The following ADAM19 variants were observed in gnomAD, a reference collection of about 807,000 sequenced individuals.
The protein encoded by ADAM19 is ADAM metallopeptidase domain 19, also known as disintegrin and metalloproteinase domain-containing protein 19.
Under a neutral mutation model 114.7 loss-of-function variants are expected in ADAM19, and 65 were observed. The ratio of observed to expected loss-of-function variants is 0.57; its 90% CI spans 0.46 to 0.70. ADAM19 has a LOEUF of 0.70. Among genes scored for constraint, ADAM19 ranks in the 30% least tolerant of loss-of-function variants. ADAM19 has a pLI of 0.00. For missense variants in ADAM19, 1,063 were observed against 1,204.7 expected (o/e 0.88, Z 1.74); for synonymous variants, 466 against 460.5 (o/e 1.01, Z -0.15).
At chr5:157,566,813 T>A (rs987978982) in intron 2 of ADAM19, 1 of 152,064 alleles carries the variant, frequency 6.6e-6, no homozygotes, top group African/African-American at 2.4e-5. Context: ...GGACCACAGG[T>A]GCATGCCACC....
chr5:157,563,790 A>G (rs1374429264), intron 3 of ADAM19, among the ~76,000 whole-genome samples: 1 of 152,184 alleles, frequency 6.6e-6, no homozygotes, highest in Non-Finnish European at 1.5e-5. Flanking sequence ...CTGATGGCAA[A>G]TCAATGTGCA....
At chr5:157,533,968 AAAAAAAG>A (rs1756693635) in intron 4 of ADAM19, among the ~76,000 whole-genome samples, 1 of 152,008 alleles carries the variant, frequency 6.6e-6, no homozygotes, top group African/African-American at 2.4e-5. Flanking sequence ...CTCTGTCTCC[AAAAAAAG>A]AAAAAAGAAA....
chr5:157,548,826 G>C (rs1402300746), intron 3 of ADAM19, among the ~76,000 whole-genome samples: 1 of 152,162 alleles, frequency 6.6e-6, no homozygotes, highest in Non-Finnish European at 1.5e-5. Flanking sequence ...GTAAAGAGTA[G>C]GAAACACCCT....
At chr5:157,500,586 T>C (rs1755529529) in intron 12 of ADAM19, among the ~76,000 whole-genome samples, 1 of 152,144 alleles carries the variant, frequency 6.6e-6, no homozygotes, top group Non-Finnish European at 1.5e-5. Context: ...TCTTATCTCA[T>C]GAAAAGGGGC....
intron 3 of ADAM19, among the ~76,000 whole-genome samples, chr5:157,542,662 A>C (rs1756946911): frequency 6.6e-6 from 1 of 152,202 alleles, no homozygotes; most frequent in Admixed American, 6.5e-5. Flanking sequence ...AAAAATAGCC[A>C]GGTGTGGTGG....
chr5:157,486,650 A>G (rs1754943033), intron 21 of ADAM19, among the ~76,000 whole-genome samples: 1 of 152,008 alleles, frequency 6.6e-6, no homozygotes, highest in South Asian at 2.1e-4. Context: ...TTTCAGAACA[A>G]CAGTCTGAGT....
intron 11 of ADAM19, among the ~76,000 whole-genome samples, chr5:157,504,921 C>T (rs947428786): frequency 3.9e-5 from 6 of 151,966 alleles, no homozygotes; most frequent in Admixed American, 6.5e-5. Flanking sequence ...AGATCGAGAC[C>T]ATCCTGGCTA....
At position 157,518,907 on chromosome 5, in the gene ADAM19, TCAGCGCTGTAGA is replaced by T; in HGVS notation, c.601-31_601-20del. The T allele has an allele frequency of 2.5e-6, 4 of 1,609,708 alleles. No individual in the cohort carries two copies. The highest frequency in any genetic ancestry group is 3.4e-6 in the Non-Finnish European group (4 of 1,176,086). ...TTTTCATCTAAGAAAGAGAAACAGATCAGCGCTGTAGAAATAGTGGACTTGGCCTCATTTTTA... is the reference window on the plus strand; with the variant it reads ...TTTTCATCTAAGAAAGAGAAACAGATAATAGTGGACTTGGCCTCATTTTTA... On this transcript the variant is annotated intron_variant, in intron 6 of 22. Coordinates refer to ENST00000257527, the MANE Select transcript of ADAM19 (RefSeq NM_033274.5).
chr5:157,568,637 T>G (rs1757735775), intron 2 of ADAM19: 1 of 152,134 alleles, frequency 6.6e-6, no homozygotes, highest in Non-Finnish European at 1.5e-5. Flanking sequence ...TGTCCTATAT[T>G]TGCATTCCCC....
intron 2 of ADAM19, among the ~76,000 whole-genome samples, chr5:157,569,769 T>G (rs943184377): frequency 2.0e-5 from 3 of 152,146 alleles, no homozygotes; most frequent in Non-Finnish European, 1.5e-5. Flanking sequence ...GCCCAATAAA[T>G]CACAAATCAT....
At position 157,478,829 on chromosome 5, in the gene ADAM19, G is replaced by T; in HGVS notation, c.*2120C>A. Reference sequence around the variant, plus strand: ...TCTCTTTCTGGTGTGGTTCCAGGGAGGGTGGACTGCAGGTTCAGATGGCTC... The same window carrying T: ...TCTCTTTCTGGTGTGGTTCCAGGGATGGTGGACTGCAGGTTCAGATGGCTC... On this transcript the variant is annotated 3_prime_UTR_variant, in exon 23 of 23. Transcript: ENST00000257527. 2 of 985,892 alleles carry T rather than the reference G, an allele frequency of 2.0e-6. No individual in the cohort carries two copies. Among genetic ancestry groups the T allele is most frequent in the Non-Finnish European group, 2.4e-6 (2 of 829,968 alleles). 61.1% of individuals were successfully genotyped at this position (985,892 alleles called of 1,614,324 possible).
intron 3 of ADAM19, among the ~76,000 whole-genome samples, chr5:157,551,655 T>C (rs1757201352): frequency 1.3e-5 from 2 of 151,812 alleles, no homozygotes; most frequent in African/African-American, 4.8e-5. Context: ...GGAGAAAATA[T>C]TTGTAAACTA....
intron 3 of ADAM19, among the ~76,000 whole-genome samples, chr5:157,542,284 G>A (rs1481246091): frequency 6.6e-6 from 1 of 151,284 alleles, no homozygotes; most frequent in Non-Finnish European, 1.5e-5. Flanking sequence ...GGTGATTTAT[G>A]TTTTCGGGTT....
Position 157,507,101 on chromosome 5 carries a change from G to T in ADAM19, c.945C>A (p.Pro315=), listed in dbSNP as rs1019153851. The T allele has an allele frequency of 1.9e-6, 3 of 1,614,120 alleles. No individual in the cohort carries two copies. The highest frequency in any genetic ancestry group is 1.7e-5 in the Admixed American group (1 of 60,024). ...GGTACACAGAGCACATGGCCATGAG[G>T]GGGGCCAGGCCGATGGTGGTGCCGT... The part of the protein sequence containing the change: ...SFHGTTIGLA[P]LMAMCSVYQS... The change falls in exon 10 of 23, where the codon CCC becomes CCA. Residue 315 remains proline, a synonymous_variant. Transcript: ENST00000257527.
At position 157,477,686 on chromosome 5, in the gene ADAM19, T is replaced by C. The variant is rs1321623542; in HGVS notation, c.*3263A>G. 1 of 1,289,800 alleles carries C rather than the reference T, an allele frequency of 7.8e-7. No homozygotes were observed. Among genetic ancestry groups the C allele is most frequent in the African/African-American group, 1.5e-5 (1 of 65,978 alleles). 79.9% of individuals were successfully genotyped at this position (1,289,800 alleles called of 1,614,324 possible). On this transcript the variant is annotated 3_prime_UTR_variant, in exon 23 of 23. Coordinates refer to ENST00000257527, the MANE Select transcript of ADAM19 (RefSeq NM_033274.5). ...TTATACACGTGGTTAACACAATTAC[T>C]GACTTTGGAACTGGTCCCCAGTTTT... is the stretch of plus-strand genomic sequence containing the variant.
chr5:157,511,935 G>A (rs564435542), intron 8 of ADAM19, among the ~76,000 whole-genome samples: 6 of 152,252 alleles, frequency 3.9e-5, no homozygotes, highest in South Asian at 2.1e-4. Context: ...TGTCACCAGC[G>A]CCCTTGGTTC....
At chr5:157,493,216 G>A in intron 15 of ADAM19, 39 bp from the exon 16 acceptor site, 1 of 1,602,204 alleles carries the variant, frequency 6.2e-7, no homozygotes, top group Non-Finnish European at 8.5e-7. Flanking sequence ...AGCGGAATCA[G>A]AGGCAGAGGA....
At chr5:157,498,225 G>A (rs1299642075) in intron 13 of ADAM19, among the ~76,000 whole-genome samples, 5 of 152,230 alleles carry the variant, frequency 3.3e-5, no homozygotes, top group African/African-American at 9.6e-5. Flanking sequence ...GGCCAAGACT[G>A]GGCCAGCTGA....
chr5:157,538,587 G>A lies in ADAM19; in HGVS notation c.252-596C>T, dbSNP rs373468058. Reference sequence around the variant, plus strand: ...TGCTACAAGGGTTCCCTAAGCTTCCGTTGCCTGCCCTTTCGGACACTTAGT... The same window carrying A: ...TGCTACAAGGGTTCCCTAAGCTTCCATTGCCTGCCCTTTCGGACACTTAGT... On this transcript the variant is annotated intron_variant, in intron 3 of 22. Transcript: ENST00000257527. Among the ~76,000 whole-genome samples, 7 of 152,310 alleles carry A rather than the reference G, an allele frequency of 4.6e-5. No individual in the cohort carries two copies. In the South Asian group the frequency reaches 8.3e-4, roughly 18 times the overall value.
Sources: gnomAD v4.1 joint callset for allele counts (sites outside exome capture counted in the v4.1 genomes callset) on GRCh38, gnomAD v4.1.1 for gene constraint, MANE v1.5 for transcripts, NCBI Gene and HGNC (gene_info 2026-07-23, HGNC 2026-07-21) for gene names.